The following IL1RAPL2 variants were observed in gnomAD, a reference collection of about 807,000 sequenced individuals.
IL1RAPL2 encodes the protein X-linked interleukin-1 receptor accessory protein-like 2.
Under a neutral mutation model 44.1 loss-of-function variants are expected in IL1RAPL2, and 3 were observed. That is an observed-to-expected ratio of 0.07 (90% confidence interval 0.03 to 0.18). The LOEUF (loss-of-function observed/expected upper bound fraction) is 0.18. Among genes scored for constraint, IL1RAPL2 ranks in the 10% least tolerant of loss-of-function variants. The probability of loss-of-function intolerance (pLI) is 1.00; values close to 1 mark genes in which losing one functional copy is unlikely to be tolerated. For missense variants in IL1RAPL2, 391 were observed against 496.4 expected, an observed-to-expected ratio of 0.79 and a Z score of 2.02; for synonymous variants, 181 against 178.8, an observed-to-expected ratio of 1.01 and a Z score of -0.10.
At chrX:105,596,610 C>T (rs1383041068) in intron 6 of IL1RAPL2, among the ~76,000 whole-genome samples, 1 of 111,612 alleles carries the variant, frequency 9.0e-6, no homozygotes, top group East Asian at 2.8e-4. Flanking sequence ...TCCACATGTG[C>T]TTGAGAAGAA....
chrX:105,639,650 C>G (rs1266314661), intron 6 of IL1RAPL2, among the ~76,000 whole-genome samples: 1 of 111,260 alleles, frequency 9.0e-6, no homozygotes, highest in Non-Finnish European at 1.9e-5. Flanking sequence ...TTTCATTTAC[C>G]TTTACAGAAA....
At chrX:105,188,947 G>A (rs1344635962) in intron 2 of IL1RAPL2, among the ~76,000 whole-genome samples, 1 of 112,023 alleles carries the variant, frequency 8.9e-6, no homozygotes, top group African/African-American at 3.2e-5. Flanking sequence ...AGCAACAGGG[G>A]CACAGGCCAC....
At chrX:105,170,379 T>C (rs1350887083) in intron 2 of IL1RAPL2, among the ~76,000 whole-genome samples, 2 of 111,752 alleles carry the variant, frequency 1.8e-5, no homozygotes, top group Non-Finnish European at 3.8e-5. Flanking sequence ...ATATTTCAAA[T>C]GTTATAAATT....
At chrX:104,929,896 A>G (rs769171552) in intron 2 of IL1RAPL2, among the ~76,000 whole-genome samples, 10 of 112,251 alleles carry the variant, frequency 8.9e-5, no homozygotes, top group Non-Finnish European at 1.1e-4. Flanking sequence ...TAGCTTGTCA[A>G]TGACTGCTCA....
chrX:104,850,881 T>C (rs1204200211), intron 2 of IL1RAPL2, among the ~76,000 whole-genome samples: 1 of 111,492 alleles, frequency 9.0e-6, no homozygotes, highest in Non-Finnish European at 1.9e-5. Flanking sequence ...GTTTGAATAA[T>C]TGCCATTTAA....
At chrX:104,974,411 T>C (rs1308705156) in intron 2 of IL1RAPL2, among the ~76,000 whole-genome samples, 1 of 112,540 alleles carries the variant, frequency 8.9e-6, no homozygotes, top group Non-Finnish European at 1.9e-5. Context: ...CACTCTTTTA[T>C]CAGCCAATAT....
intron 2 of IL1RAPL2, among the ~76,000 whole-genome samples, chrX:104,797,564 A>G (rs1285469106): frequency 8.9e-6 from 1 of 111,910 alleles, no homozygotes; most frequent in Non-Finnish European, 1.9e-5. Context: ...AATCTGTTTA[A>G]CTTTGTTTAA....
chrX:105,581,975 G>C (rs2037092609), intron 6 of IL1RAPL2, among the ~76,000 whole-genome samples: 2 of 111,195 alleles, frequency 1.8e-5, no homozygotes, highest in Non-Finnish European at 3.8e-5. Flanking sequence ...TACTTTGCCA[G>C]CTTTTGATTT....
At chrX:105,210,626 T>C (rs1473156745) in intron 3 of IL1RAPL2, among the ~76,000 whole-genome samples, 1 of 111,561 alleles carries the variant, frequency 9.0e-6, no homozygotes, top group Non-Finnish European at 1.9e-5. Flanking sequence ...ATGTCAAGCA[T>C]GCCAATATTG....
At chrX:105,748,899 T>C in intron 8 of IL1RAPL2, 61 bp from the exon 9 acceptor site, 1 of 1,093,359 alleles carries the variant, frequency 9.1e-7, no homozygotes, top group Non-Finnish European at 1.2e-6. Context: ...ACTAGAAATA[T>C]GGGAAGATCC....
intron 2 of IL1RAPL2, among the ~76,000 whole-genome samples, chrX:104,873,908 G>A (rs745372630): frequency 9.0e-5 from 10 of 110,699 alleles, no homozygotes; most frequent in Non-Finnish European, 1.9e-4. Flanking sequence ...AATTCTACAG[G>A]CTCTTAGCAA....
At position 105,568,767 on chromosome X, in the gene IL1RAPL2, A is replaced by G. The variant is rs967649825; in HGVS notation, c.772+84380A>G. Among the ~76,000 whole-genome samples the G allele has an allele frequency of 2.7e-5, 3 of 112,141 alleles. No homozygotes were observed. The Admixed American group carries it at 2.8e-4, about 11-fold the overall frequency. On this transcript the variant is annotated intron_variant, in intron 6 of 10. Transcript: ENST00000372582. ...TAAGTTTCAAATGAGGCCAGTTTTA[A>G]TTGTGGCAATTCATTGAATTCTCAC...
intron 2 of IL1RAPL2, among the ~76,000 whole-genome samples, chrX:105,079,422 A>G (rs1469598019): frequency 9.2e-6 from 1 of 108,811 alleles, no homozygotes; most frequent in Admixed American, 9.8e-5. Flanking sequence ...ACCAACCCAA[A>G]TGCCCATCAA....
At chrX:105,050,963 A>C (rs1010858245) in intron 2 of IL1RAPL2, among the ~76,000 whole-genome samples, 2 of 112,189 alleles carry the variant, frequency 1.8e-5, no homozygotes, top group Admixed American at 9.4e-5. Context: ...GCCCTGCTCC[A>C]AGTTGGGTGC....
chrX:105,394,463 A>G (rs1312251695), intron 5 of IL1RAPL2, among the ~76,000 whole-genome samples: 1 of 111,420 alleles, frequency 9.0e-6, no homozygotes, highest in Non-Finnish European at 1.9e-5. Flanking sequence ...TTTGAGAGTC[A>G]ACTGGCATTA....
At chrX:105,391,403 A>G (rs1362175447) in intron 5 of IL1RAPL2, among the ~76,000 whole-genome samples, 1 of 107,008 alleles carries the variant, frequency 9.3e-6, no homozygotes, top group Non-Finnish European at 1.9e-5. Flanking sequence ...AATGCTCACC[A>G]TCACTGGCCA....
chrX:105,456,213 C>A (rs781699094), intron 5 of IL1RAPL2, among the ~76,000 whole-genome samples: 1 of 111,752 alleles, frequency 8.9e-6, no homozygotes, highest in Non-Finnish European at 1.9e-5. Flanking sequence ...GGTCAAGAAG[C>A]CTTTGGGCTA....
chrX:105,472,963 G>C (rs1313354130), intron 5 of IL1RAPL2, among the ~76,000 whole-genome samples: 2 of 111,791 alleles, frequency 1.8e-5, no homozygotes, highest in Non-Finnish European at 3.8e-5. Context: ...TTGAATGATA[G>C]CTCTGCCATC....
At chrX:105,682,871 T>C (rs2037937248) in intron 6 of IL1RAPL2, among the ~76,000 whole-genome samples, 1 of 112,509 alleles carries the variant, frequency 8.9e-6, no homozygotes, top group Non-Finnish European at 1.9e-5. Flanking sequence ...TATTTTTTTA[T>C]ATGCAGGATT....
Sources: allele counts gnomAD v4.1 joint callset (sites outside exome capture counted in the v4.1 genomes callset), GRCh38; gene constraint gnomAD v4.1.1; transcripts MANE v1.5; gene names NCBI Gene and HGNC (gene_info 2026-07-23, HGNC 2026-07-21).